Variants in PRDM6 observed in about 807,000 individuals in gnomAD.
The protein encoded by PRDM6 is putative histone-lysine N-methyltransferase PRDM6.
A neutral mutation model predicts 60.8 loss-of-function variants in PRDM6; 25 were observed. The ratio of observed to expected loss-of-function variants is 0.41; its 90% CI spans 0.30 to 0.57. The LOEUF is 0.57. Ranked by LOEUF, PRDM6 falls within the 20% of genes least tolerant of loss-of-function variation. The pLI, the probability that PRDM6 is intolerant of heterozygous loss-of-function variation, is 0.27. For missense variants in PRDM6, 839 were observed against 821.3 expected, an observed-to-expected ratio of 1.02 and a Z score of -0.26; for synonymous variants, 407 against 357.4, an observed-to-expected ratio of 1.14 and a Z score of -1.57.
At chr5:123,126,554 C>A (rs2150220780) in intron 3 of PRDM6, among the ~76,000 whole-genome samples, 1 of 152,292 alleles carries the variant, frequency 6.6e-6, no homozygotes, top group East Asian at 1.9e-4. Context: ...CCATACATAC[C>A]TGGGTTCTGA....
At chr5:123,106,581 T>TA (rs763766520) in intron 3 of PRDM6, among the ~76,000 whole-genome samples, 19 of 152,208 alleles carry the variant, frequency 1.2e-4, no homozygotes, top group Non-Finnish European at 2.6e-4. Flanking sequence ...TCCACAAAGA[T>TA]ACAGACACAA....
At chr5:123,103,748 A>G (rs1350965681) in intron 3 of PRDM6, among the ~76,000 whole-genome samples, 1 of 152,080 alleles carries the variant, frequency 6.6e-6, no homozygotes, top group Non-Finnish European at 1.5e-5. Flanking sequence ...TTAAAATTCT[A>G]CTGGAATAAA....
chr5:123,136,294 T>C (rs1644318), intron 3 of PRDM6, among the ~76,000 whole-genome samples: 63,431 of 151,982 alleles, frequency 0.42, 13,374 homozygotes, highest in East Asian at 0.6. Context: ...TGTTACATGG[T>C]GACCCACCAC....
At chr5:123,119,850 G>T (rs552184851) in intron 3 of PRDM6, among the ~76,000 whole-genome samples, 20 of 152,024 alleles carry the variant, frequency 1.3e-4, no homozygotes, top group Non-Finnish European at 2.8e-4. Context: ...CTAAGTAGAC[G>T]CATTTTTTAA....
intron 7 of PRDM6, 34 bp from the exon 8 acceptor site, chr5:123,187,053 C>T (rs1391911932): frequency 1.1e-5 from 16 of 1,494,964 alleles, no homozygotes; most frequent in Admixed American, 3.9e-5. Context: ...AGGCCCCGCT[C>T]CCTGGTCTCA....
intron 2 of PRDM6, 51 bp downstream of exon 2, chr5:123,090,657 C>T: frequency 9.2e-6 from 7 of 757,606 alleles, no homozygotes; most frequent in South Asian, 1.5e-5. Flanking sequence ...GCGCCGGCGC[C>T]GGCGGGCGCG....
intron 6 of PRDM6, among the ~76,000 whole-genome samples, chr5:123,172,930 G>T (rs1033504647): frequency 2.0e-5 from 3 of 152,106 alleles, no homozygotes; most frequent in Non-Finnish European, 4.4e-5. Flanking sequence ...AGTGGCTCAC[G>T]CCTGTAAACC....
At chr5:123,170,492 T>C (rs979707830) in intron 5 of PRDM6, among the ~76,000 whole-genome samples, 7 of 152,200 alleles carry the variant, frequency 4.6e-5, no homozygotes, top group African/African-American at 1.7e-4. Flanking sequence ...TATGGACTCC[T>C]GTATGTCTGA....
intron 3 of PRDM6, among the ~76,000 whole-genome samples, chr5:123,101,579 C>T (rs933220760): frequency 2.0e-5 from 3 of 152,224 alleles, no homozygotes; most frequent in African/African-American, 7.2e-5. Context: ...CTAAGAAAAT[C>T]GTACAGCAAT....
chr5:123,100,149 A>G (rs902115978), intron 3 of PRDM6, among the ~76,000 whole-genome samples, 188 bp downstream of exon 3: 21 of 152,346 alleles, frequency 1.4e-4, no homozygotes, highest in African/African-American at 4.1e-4. Context: ...CACCTGCAGT[A>G]AGGAGGCTGA....
At chr5:123,106,252 C>G (rs551238369) in intron 3 of PRDM6, among the ~76,000 whole-genome samples, 1 of 152,114 alleles carries the variant, frequency 6.6e-6, no homozygotes, top group African/African-American at 2.4e-5. Context: ...AGGGAAAGAG[C>G]ATAGTGTGCA....
intron 3 of PRDM6, among the ~76,000 whole-genome samples, chr5:123,129,745 G>A (rs889022735): frequency 6.6e-6 from 1 of 152,084 alleles, no homozygotes; most frequent in Admixed American, 6.5e-5. Flanking sequence ...TTAAATAAAG[G>A]TACACTGCTT....
intron 3 of PRDM6, among the ~76,000 whole-genome samples, chr5:123,137,283 A>T (rs917208273): frequency 1.3e-5 from 2 of 152,242 alleles, no homozygotes; most frequent in South Asian, 4.1e-4. Context: ...GTGCAAGGTG[A>T]CTGCAAATCA....
intron 2 of PRDM6, among the ~76,000 whole-genome samples, chr5:123,098,750 G>A (rs959649029): frequency 2.6e-5 from 4 of 152,224 alleles, no homozygotes; most frequent in Admixed American, 2.6e-4. Context: ...TAGGCTGATC[G>A]TTAAATTTGC....
chr5:123,178,957 T>A (rs1280816604), intron 6 of PRDM6, among the ~76,000 whole-genome samples: 2 of 152,220 alleles, frequency 1.3e-5, no homozygotes, highest in Non-Finnish European at 2.9e-5. Context: ...CAGCCAGAAA[T>A]GTCTGGCTCA....
chr5:123,192,923 G>A lies in PRDM6; in HGVS notation c.*5722G>A, dbSNP rs1580552788. 1 of 152,208 alleles carries A rather than the reference G, an allele frequency of 6.6e-6. No homozygotes were observed. The highest frequency in any genetic ancestry group is 1.5e-5 in the Non-Finnish European group (1 of 68,052). The allele number at this position is 152,208 out of a possible 1,614,324, so 9.4% of individuals were successfully genotyped here. ...AAAGACTGGAGTCATTATAGGTTTGGTTTGTCAAAGGCACAGATAGTGTAG... is the reference window on the plus strand; with the variant it reads ...AAAGACTGGAGTCATTATAGGTTTGATTTGTCAAAGGCACAGATAGTGTAG... On this transcript the variant is annotated 3_prime_UTR_variant, in exon 8 of 8. Coordinates refer to ENST00000407847, the MANE Select transcript of PRDM6 (RefSeq NM_001136239.4).
chr5:123,111,742 C>G (rs1337820594), intron 3 of PRDM6, among the ~76,000 whole-genome samples: 1 of 151,884 alleles, frequency 6.6e-6, no homozygotes, highest in African/African-American at 2.4e-5. Flanking sequence ...CGTCCTTTCT[C>G]TTCCTTGCCC....
chr5:123,108,227 A>G (rs335855), intron 3 of PRDM6, among the ~76,000 whole-genome samples: 123,697 of 152,164 alleles, frequency 0.81, 50,590 homozygotes, highest in Middle Eastern at 0.91. Context: ...ATAATGAAGT[A>G]TCTTCTATAG....
At chr5:123,117,769 CA>C (rs1764490483) in intron 3 of PRDM6, among the ~76,000 whole-genome samples, 1 of 78,744 alleles carries the variant, frequency 1.3e-5, no homozygotes, top group South Asian at 3.3e-4. Flanking sequence ...GCCTAAACAG[CA>C]TTTGCTCATT....
Sources: allele counts gnomAD v4.1 joint callset (sites outside exome capture counted in the v4.1 genomes callset), GRCh38; gene constraint gnomAD v4.1.1; transcripts MANE v1.5; gene names NCBI Gene and HGNC (gene_info 2026-07-23, HGNC 2026-07-21).